Variants in LDLRAD4 observed in about 807,000 individuals in gnomAD.
LDLRAD4 encodes low-density lipoprotein receptor class A domain-containing protein 4.
LDLRAD4 carries 5 observed loss-of-function variants against 17.0 expected under a neutral mutation model. The ratio of observed to expected loss-of-function variants is 0.29; its 90% CI spans 0.15 to 0.62. The LOEUF (loss-of-function observed/expected upper bound fraction) is 0.62. Among genes scored for constraint, LDLRAD4 ranks in the 20% least tolerant of loss-of-function variants. The pLI, the probability that LDLRAD4 is intolerant of heterozygous loss-of-function variation, is 0.84. For synonymous variants in LDLRAD4, 168 were observed against 171.8 expected (o/e 0.98, Z 0.17); for missense variants, 340 against 424.7 (o/e 0.80, Z 1.75).
chr18:13,410,228 G>T (rs892651038), intron 2 of LDLRAD4, among the ~76,000 whole-genome samples: 4 of 151,694 alleles, frequency 2.6e-5, no homozygotes, highest in Non-Finnish European at 5.9e-5. Flanking sequence ...GCTCCTAGAT[G>T]GGATCCTGAT....
intron 1 of LDLRAD4, among the ~76,000 whole-genome samples, chr18:13,326,129 G>A (rs1251674463): frequency 2.0e-5 from 3 of 152,102 alleles, no homozygotes; most frequent in Non-Finnish European, 2.9e-5. Flanking sequence ...TGAGGCAGAG[G>A]TCTCAATTGT....
At chr18:13,388,251 C>T (rs2085978085) in intron 2 of LDLRAD4, among the ~76,000 whole-genome samples, 1 of 152,216 alleles carries the variant, frequency 6.6e-6, no homozygotes, top group African/African-American at 2.4e-5. Context: ...AAGTGGGACA[C>T]CCCAGTGTGC....
intron 3 of LDLRAD4, among the ~76,000 whole-genome samples, chr18:13,553,568 C>T (rs1217957608): frequency 3.9e-5 from 6 of 152,140 alleles, no homozygotes; most frequent in Non-Finnish European, 8.8e-5. Flanking sequence ...GAAGGTGAAA[C>T]ATGATGTTCC....
rs185368942 is a variant in LDLRAD4 at position 13,351,936 on chromosome 18, C to G, written c.-382-35405C>G. Among the ~76,000 whole-genome samples the G allele has an allele frequency of 4.7e-4, 71 of 152,280 alleles. 2 individuals are homozygous for G. The East Asian group carries it at 0.012, about 26-fold the overall frequency. ...CACCATGATCAAGTTGGCTTCATCC[C>G]TAGGATGCAAGGGTGGTTCAACATA... is the stretch of plus-strand genomic sequence containing the variant. On this transcript the variant is annotated intron_variant, in intron 1 of 5. Transcript: ENST00000359446.
chr18:13,643,420 GC>G lies in LDLRAD4; in HGVS notation c.390+12del. Reference sequence around the variant, plus strand: ...CGGCTGGGCGCCTCGGAGGTAAGGGGCCCCAGGAGGTGATGGCTGCGGGGGG... The same window carrying G: ...CGGCTGGGCGCCTCGGAGGTAAGGGGCCCAGGAGGTGATGGCTGCGGGGGG... On this transcript the variant is annotated intron_variant, in intron 5 of 5. Transcript: ENST00000359446. 3.5e-6 allele frequency: 3 copies of G among 860,524 alleles called. No homozygotes were observed. Among genetic ancestry groups the G allele is most frequent in the Non-Finnish European group, 4.4e-6 (3 of 676,958 alleles). 53.3% of individuals were successfully genotyped at this position (860,524 alleles called of 1,614,324 possible). A position where few individuals can be genotyped will look rare whatever the true frequency, so the allele number is the denominator to read the frequency against.
At chr18:13,245,381 G>C (rs1486913555) in intron 1 of LDLRAD4, among the ~76,000 whole-genome samples, 4 of 152,210 alleles carry the variant, frequency 2.6e-5, no homozygotes, top group Non-Finnish European at 1.5e-5. Flanking sequence ...TGAAGTTTTT[G>C]CTGAGTTTAT....
chr18:13,559,655 A>G (rs867917763), intron 3 of LDLRAD4, among the ~76,000 whole-genome samples: 32 of 152,198 alleles, frequency 2.1e-4, no homozygotes, highest in Admixed American at 1.6e-3. Context: ...TTATATATGT[A>G]TATATATACA....
chr18:13,638,846 G>T (rs540599455), intron 4 of LDLRAD4, among the ~76,000 whole-genome samples: 1 of 152,162 alleles, frequency 6.6e-6, no homozygotes, highest in East Asian at 1.9e-4. Flanking sequence ...CAGCCCTTGG[G>T]GACATGCAGC....
At chr18:13,396,116 T>G (rs1054973654) in intron 2 of LDLRAD4, among the ~76,000 whole-genome samples, 1 of 152,218 alleles carries the variant, frequency 6.6e-6, no homozygotes, top group Non-Finnish European at 1.5e-5. Context: ...TCCGTTAAAA[T>G]TTTTTAACCA....
chr18:13,517,745 TTG>T (rs369050113), intron 3 of LDLRAD4, among the ~76,000 whole-genome samples: 2,099 of 76,726 alleles, frequency 0.027, 53 homozygotes, highest in African/African-American at 0.11. Flanking sequence ...TTCTTTTTTT[TTG>T]TTTGTTTTTG....
intron 1 of LDLRAD4, among the ~76,000 whole-genome samples, chr18:13,232,530 C>T (rs1348054361): frequency 6.0e-5 from 9 of 149,688 alleles, no homozygotes; most frequent in African/African-American, 1.0e-4. Flanking sequence ...CCGTGTAAAT[C>T]GCCTTCCTTC....
intron 2 of LDLRAD4, among the ~76,000 whole-genome samples, chr18:13,410,868 T>G (rs1249874686): frequency 1.3e-5 from 2 of 151,982 alleles, no homozygotes; most frequent in Non-Finnish European, 2.9e-5. Flanking sequence ...CAGGAATGGG[T>G]TTTTAGGGTA....
intron 1 of LDLRAD4, among the ~76,000 whole-genome samples, chr18:13,309,602 C>T (rs1333333066): frequency 2.0e-5 from 3 of 152,158 alleles, no homozygotes; most frequent in African/African-American, 7.2e-5. Flanking sequence ...AGGAAATAAC[C>T]TTCTCTTAAA....
intron 1 of LDLRAD4, among the ~76,000 whole-genome samples, chr18:13,329,961 A>AT (rs1329794025): frequency 3.4e-3 from 470 of 137,880 alleles, no homozygotes; most frequent in Non-Finnish European, 3.6e-3. Flanking sequence ...ACTCCCTCCA[A>AT]TTTTTTTTTT....
At chr18:13,354,813 G>T (rs938547594) in intron 1 of LDLRAD4, among the ~76,000 whole-genome samples, 1 of 152,212 alleles carries the variant, frequency 6.6e-6, no homozygotes, top group Non-Finnish European at 1.5e-5. Flanking sequence ...AAGGGCTTGT[G>T]CTGTTAGATG....
At chr18:13,299,896 C>A (rs1428461445) in intron 1 of LDLRAD4, among the ~76,000 whole-genome samples, 1 of 152,136 alleles carries the variant, frequency 6.6e-6, no homozygotes, top group African/African-American at 2.4e-5. Flanking sequence ...TACATGGCTG[C>A]TGGTGGTGAC....
intron 3 of LDLRAD4, among the ~76,000 whole-genome samples, chr18:13,474,008 G>T (rs1481652635): frequency 1.3e-5 from 2 of 152,028 alleles, no homozygotes; most frequent in Admixed American, 6.5e-5. Flanking sequence ...CATCTGTTTG[G>T]TGCTGTTGTC....
intron 3 of LDLRAD4, among the ~76,000 whole-genome samples, chr18:13,449,355 C>T (rs746519011): frequency 1.3e-5 from 2 of 152,228 alleles, no homozygotes; most frequent in Non-Finnish European, 2.9e-5. Context: ...AGGGAAGGGG[C>T]ACATGGCAGG....
chr18:13,537,333 C>T (rs376773070), intron 3 of LDLRAD4, among the ~76,000 whole-genome samples: 13 of 152,090 alleles, frequency 8.5e-5, no homozygotes, highest in East Asian at 3.8e-4. Context: ...CACCAGGGAC[C>T]GGTTTCATGG....
Sources: gnomAD v4.1 joint callset for allele counts (sites outside exome capture counted in the v4.1 genomes callset) on GRCh38, gnomAD v4.1.1 for gene constraint, MANE v1.5 for transcripts, NCBI Gene and HGNC (gene_info 2026-07-23, HGNC 2026-07-21) for gene names.